Variants in GALNT15 observed in about 807,000 individuals in gnomAD.
GALNT15 encodes the protein UDP-GalNAc transferase T15.
A neutral mutation model predicts 66.8 loss-of-function variants in GALNT15; 67 were observed. The observed-to-expected ratio is 1.00, with a 90% confidence interval of 0.82 to 1.23. The LOEUF (loss-of-function observed/expected upper bound fraction) is 1.23, where lower values mean the gene tolerates loss of function less well. Ranked by LOEUF, GALNT15 falls within the 50% of genes most tolerant of loss-of-function variation. The pLI is 0.00. For synonymous variants in GALNT15, 313 were observed against 311.5 expected (o/e 1.00, Z -0.05); for missense variants, 827 against 804.3 (o/e 1.03, Z -0.34).
chr3:16,221,628 G>A (rs1231790192), intron 8 of GALNT15, among the ~76,000 whole-genome samples: 1 of 152,168 alleles, frequency 6.6e-6, no homozygotes, highest in African/African-American at 2.4e-5. Flanking sequence ...AGCCAGCTTT[G>A]ACCTTCAAAG....
chr3:16,245,257 A>T, the GALNT15 span, among the ~76,000 whole-genome samples: 3 of 151,598 alleles, frequency 2.0e-5, no homozygotes, highest in South Asian at 4.2e-4. Context: ...TCACTCCCAC[A>T]CTCCTGCTTC....
chr3:16,226,282 C>A (rs80123980), intron 9 of GALNT15, among the ~76,000 whole-genome samples: 2,651 of 152,078 alleles, frequency 0.017, 67 homozygotes, highest in African/African-American at 0.06. Flanking sequence ...GGTTGCACAA[C>A]TTTGTGAATA....
Position 16,200,792 on chromosome 3 carries a change from G to A in GALNT15, c.880G>A (p.Glu294Lys), listed in dbSNP as rs1267138867. ...CTGCGAGTGCCACCCAGGCTGGCTG[G>A]AGCCCCTCCTCAGCAGAATAGCTGG... is the stretch of plus-strand genomic sequence containing the variant. ...AHCECHPGWL[E>K]PLLSRIAGDR... Residue 294 changes from glutamate (E) to lysine (K), a missense_variant, in exon 3 of 10, where the codon GAG (glutamate) becomes AAG (lysine). By Grantham distance (56) the Glu-to-Lys change is moderately conservative. Transcript: ENST00000339732. The surrounding 1 kb of genome is among the most constrained non-coding windows in gnomAD (Gnocchi z 4.4). 2 of 1,611,044 alleles carry A rather than the reference G, an allele frequency of 1.2e-6. No homozygotes were observed. Among genetic ancestry groups the A allele is most frequent in the Non-Finnish European group, 1.7e-6 (2 of 1,178,890 alleles).
In GALNT15 at chr3:16,180,101, G is replaced by T. The variant is rs2063454063; in HGVS notation, c.539+4411G>T. Among the ~76,000 whole-genome samples the T allele has an allele frequency of 6.6e-6, 1 of 152,204 alleles. No homozygotes were observed. Among genetic ancestry groups the T allele is most frequent in the Non-Finnish European group, 1.5e-5 (1 of 68,044 alleles). Reference sequence around the variant, plus strand: ...ACTTGAGCGTGCATCCGAACAACTAGATGGCTTGTTAAAAATACAGATTCC... The same window carrying T: ...ACTTGAGCGTGCATCCGAACAACTATATGGCTTGTTAAAAATACAGATTCC... On this transcript the variant is annotated intron_variant, in intron 1 of 9. Transcript: ENST00000339732. This position sits in a 1 kb window ranked among gnomAD's most constrained non-coding sequence, Gnocchi z 5.0.
At chr3:16,198,892 A>C (rs1175035549) in intron 2 of GALNT15, among the ~76,000 whole-genome samples, 1 of 142,092 alleles carries the variant, frequency 7.0e-6, no homozygotes, top group African/African-American at 2.6e-5. Flanking sequence ...CAGCTACCAA[A>C]GCAGCCAGGC....
the GALNT15 span, chr3:16,243,903 C>G: frequency 4.6e-6 from 3 of 650,882 alleles, no homozygotes; most frequent in African/African-American, 5.9e-5. Context: ...ACCACAGCCA[C>G]AGATTGACCT....
At position 16,200,686 on chromosome 3, in the gene GALNT15, C is replaced by A. The variant is rs143956414; in HGVS notation, c.774C>A (p.Asn258Lys). The A allele has an allele frequency of 6.2e-7, 1 of 1,609,200 alleles. No homozygotes were observed. The highest frequency in any genetic ancestry group is 8.5e-7 in the Non-Finnish European group (1 of 1,177,814). The change falls in exon 3 of 10, where the codon AAC (asparagine) becomes AAA (lysine). Residue 258 changes from asparagine to lysine, a missense_variant. Coordinates refer to ENST00000339732, the MANE Select transcript of GALNT15 (RefSeq NM_054110.5). The surrounding 1 kb of genome is among the most constrained non-coding windows in gnomAD (Gnocchi z 4.4). ...AGGGGGTGAAGTTACTCAGGAGCAA[C>A]AAGAGGCTGGGTGCCATCAGGGCCC... The part of the protein sequence containing the change: ...RLEGVKLLRS[N>K]KRLGAIRARM...
rs898760882 is a variant in GALNT15 at position 16,184,330 on chromosome 3, T to C, written c.539+8640T>C. On this transcript the variant is annotated intron_variant, in intron 1 of 9. Transcript: ENST00000339732. The surrounding 1 kb of genome is among the most constrained non-coding windows in gnomAD (Gnocchi z 5.0). ...ATAAGTCCCTAGTCACTTGGGGCCT[T>C]GCTTTATGATGTTCAAGAGCCTTTG... Among the ~76,000 whole-genome samples the C allele has an allele frequency of 2.6e-5, 4 of 152,254 alleles. No individual in the cohort carries two copies. The highest frequency in any genetic ancestry group is 9.7e-5 in the African/African-American group (4 of 41,450).
chr3:16,205,517 C>A (rs771578509), intron 3 of GALNT15, among the ~76,000 whole-genome samples: 5 of 152,198 alleles, frequency 3.3e-5, no homozygotes, highest in Admixed American at 6.5e-5. Flanking sequence ...TAGGATCAAC[C>A]TTGTACCTGC....
chr3:16,175,506 C>T lies in GALNT15; in HGVS notation c.355C>T (p.Leu119Phe), dbSNP rs755130740. 2.5e-6 allele frequency: 4 copies of T among 1,613,958 alleles called. No individual in the cohort carries two copies. In the East Asian group the frequency reaches 8.9e-5, roughly 36 times the overall value. ...SQGRRGGSYR[L>F]IKQPRRQDKE... Reference sequence around the variant, plus strand: ...GGGCAGGAGAGGTGGGAGCTACCGCCTCATCAAGCAGCCAAGGAGGCAGGA... The same window carrying T: ...GGGCAGGAGAGGTGGGAGCTACCGCTTCATCAAGCAGCCAAGGAGGCAGGA... The change falls in exon 1 of 10, where the codon CTC (leucine) becomes TTC (phenylalanine). Residue 119 changes from leucine to phenylalanine, a missense_variant. Leu to Phe is a conservative substitution (Grantham distance 22). Transcript: ENST00000339732. The surrounding 1 kb of genome is among the most constrained non-coding windows in gnomAD (Gnocchi z 5.6).
chr3:16,211,300 C>T lies in GALNT15; in HGVS notation c.1197+59C>T. ...ATCTCTGGAGTGGTGTGTATGGTCACAGCTCAGAGGCAGGCATTAGAAATG... is the reference window on the plus strand; with the variant it reads ...ATCTCTGGAGTGGTGTGTATGGTCATAGCTCAGAGGCAGGCATTAGAAATG... On this transcript the variant is annotated intron_variant, in intron 5 of 9. Transcript: ENST00000339732. This position sits in a 1 kb window ranked among gnomAD's most constrained non-coding sequence, Gnocchi z 4.3. 1.9e-6 allele frequency: 2 copies of T among 1,058,106 alleles called. No homozygotes were observed. Among genetic ancestry groups the T allele is most frequent in the Non-Finnish European group, 1.5e-6 (1 of 676,200 alleles). 65.5% of individuals were successfully genotyped at this position (1,058,106 alleles called of 1,614,324 possible).
downstream of GALNT15, among the ~76,000 whole-genome samples, chr3:16,236,910 G>A (rs2064128710): frequency 6.6e-6 from 1 of 152,132 alleles, no homozygotes; most frequent in Non-Finnish European, 1.5e-5. Context: ...GGAAGGGAGG[G>A]CTCCTCAGAA....
At position 16,211,541 on chromosome 3, in the gene GALNT15, C is replaced by T. The variant is rs755733086; in HGVS notation, c.1197+300C>T. Among the ~76,000 whole-genome samples the T allele has an allele frequency of 3.3e-5, 5 of 152,212 alleles. No individual in the cohort carries two copies. The highest frequency in any genetic ancestry group is 7.3e-5 in the Non-Finnish European group (5 of 68,038). On this transcript the variant is annotated intron_variant, in intron 5 of 9. Transcript: ENST00000339732. This position sits in a 1 kb window ranked among gnomAD's most constrained non-coding sequence, Gnocchi z 4.3. The stretch of plus-strand genomic sequence containing the variant: ...GCTCTCATACATTCTCTATTCACAG[C>T]GCTCTTAGCATCTTAGTAATTTTTT...
intron 8 of GALNT15, 158 bp downstream of exon 8, chr3:16,220,172 A>G (rs1270155258): frequency 3.7e-5 from 24 of 644,528 alleles, no homozygotes; most frequent in Non-Finnish European, 5.7e-5. Context: ...GACTCATCAC[A>G]GCTCTCCTCA....
Position 16,198,817 on chromosome 3 carries a change from G to A in GALNT15, c.707-1802G>A, listed in dbSNP as rs1419940406. Reference sequence around the variant, plus strand: ...GAAGACAGATTCCCAGGGAAGGAGTGTATGAAGTCTGCTGGGGGCTCTCGG... The same window carrying A: ...GAAGACAGATTCCCAGGGAAGGAGTATATGAAGTCTGCTGGGGGCTCTCGG... On this transcript the variant is annotated intron_variant, in intron 2 of 9. Transcript: ENST00000339732. Among the ~76,000 whole-genome samples the A allele has an allele frequency of 6.3e-5, 9 of 141,810 alleles. 2 individuals are homozygous for A. The highest frequency in any genetic ancestry group is 2.4e-4 in the African/African-American group (9 of 38,026). 93.0% of individuals were successfully genotyped at this position (141,810 alleles called of 152,430 possible).
intron 1 of GALNT15, among the ~76,000 whole-genome samples, chr3:16,185,748 CAGAT>C (rs56684049): frequency 0.28 from 41,736 of 148,104 alleles, 5,952 homozygotes; most frequent in Admixed American, 0.35. Flanking sequence ...GATAGACAGA[CAGAT>C]AGATAGATAG....
chr3:16,207,203 G>A (rs887049049), intron 3 of GALNT15, among the ~76,000 whole-genome samples: 1 of 152,102 alleles, frequency 6.6e-6, no homozygotes, highest in African/African-American at 2.4e-5. Flanking sequence ...CCAAGACAAT[G>A]GAACAGAGAT....
chr3:16,235,533 T>C (rs1322485242), downstream of GALNT15, among the ~76,000 whole-genome samples: 1 of 152,152 alleles, frequency 6.6e-6, no homozygotes, highest in African/African-American at 2.4e-5. Context: ...GAGGAAGCGA[T>C]GGATTCAAAC....
intron 4 of GALNT15, among the ~76,000 whole-genome samples, chr3:16,210,278 G>A (rs1196179218): frequency 1.3e-5 from 2 of 152,214 alleles, no homozygotes. Context: ...ATTGGGAGTG[G>A]CAGAGTTGGA....
Sources: gnomAD v4.1 joint callset for allele counts (sites outside exome capture counted in the v4.1 genomes callset) on GRCh38, gnomAD v4.1.1 for gene constraint, Gnocchi (gnomAD v3.1) non-coding constraint, MANE v1.5 for transcripts, NCBI Gene and HGNC (gene_info 2026-07-23, HGNC 2026-07-21) for gene names.